The following RBFOX3 variants were observed in gnomAD, a reference collection of about 807,000 sequenced individuals.
The protein encoded by RBFOX3 is RNA binding fox-1 homolog 3.
A neutral mutation model predicts 48.7 loss-of-function variants in RBFOX3; 17 were observed. That is an observed-to-expected ratio of 0.35 (90% CI 0.24 to 0.52). The LOEUF (loss-of-function observed/expected upper bound fraction) is 0.52, where lower values mean the gene tolerates loss of function less well. Among genes scored for constraint, RBFOX3 ranks in the 20% least tolerant of loss-of-function variants. The probability of loss-of-function intolerance (pLI) is 0.94; values close to 1 mark genes in which losing one functional copy is unlikely to be tolerated. For synonymous variants in RBFOX3, 212 were observed against 209.5 expected (o/e 1.01, Z -0.10); for missense variants, 382 against 497.5 (o/e 0.77, Z 2.21).
chr17:79,160,193 T>C (rs997889102), intron 4 of RBFOX3, among the ~76,000 whole-genome samples: 2 of 152,146 alleles, frequency 1.3e-5, no homozygotes, highest in African/African-American at 2.4e-5. Context: ...GAAAAATCCA[T>C]GTGTGATTCA....
At chr17:79,116,271 A>G (rs2147021730) in intron 4 of RBFOX3, among the ~76,000 whole-genome samples, 1 of 152,312 alleles carries the variant, frequency 6.6e-6, no homozygotes, top group African/African-American at 2.4e-5. Context: ...CACCTCAAGA[A>G]TTTTAAGCCT....
chr17:79,230,556 G>A (rs1245774033), intron 4 of RBFOX3, among the ~76,000 whole-genome samples: 2 of 152,164 alleles, frequency 1.3e-5, no homozygotes, highest in Non-Finnish European at 2.9e-5. Flanking sequence ...ACGGCACCCG[G>A]CTCTCCTTAT....
intron 1 of RBFOX3, among the ~76,000 whole-genome samples, chr17:79,531,048 C>T (rs1318988264): frequency 3.3e-5 from 5 of 152,248 alleles, no homozygotes; most frequent in African/African-American, 4.8e-5. Flanking sequence ...GGGCTTTGTG[C>T]CCCAGTCCAG....
chr17:79,324,786 G>T (rs2079059668), intron 2 of RBFOX3, among the ~76,000 whole-genome samples: 1 of 152,198 alleles, frequency 6.6e-6, no homozygotes, highest in Non-Finnish European at 1.5e-5. Context: ...CCCGTGGGAG[G>T]CAGACGCTCA....
chr17:79,100,566 CCTGA>C (rs1207995108), intron 9 of RBFOX3, among the ~76,000 whole-genome samples: 3 of 152,106 alleles, frequency 2.0e-5, no homozygotes, highest in Middle Eastern at 3.2e-3. Flanking sequence ...CTGGTTGTCA[CCTGA>C]CTCCACGTAT....
upstream of RBFOX3, among the ~76,000 whole-genome samples, chr17:79,611,649 C>T (rs1469897020): frequency 6.6e-6 from 1 of 152,128 alleles, no homozygotes; most frequent in Admixed American, 6.5e-5. Context: ...AGCAATGGGA[C>T]GTGGTCACCA....
At chr17:79,127,594 T>C (rs1280620856) in intron 4 of RBFOX3, among the ~76,000 whole-genome samples, 1 of 152,172 alleles carries the variant, frequency 6.6e-6, no homozygotes, top group East Asian at 1.9e-4. Flanking sequence ...GAAAACATGA[T>C]GATGTCAAGG....
intron 1 of RBFOX3, among the ~76,000 whole-genome samples, chr17:79,523,514 C>A (rs970748450): frequency 4.6e-5 from 7 of 152,146 alleles, no homozygotes; most frequent in Non-Finnish European, 1.0e-4. Context: ...TTCTTGCGTT[C>A]CTCATGGTGA....
rs1309606256 is a variant in RBFOX3, at chr17:79,363,682, C to A, written c.-174-55858G>T. On this transcript the variant is annotated intron_variant, in intron 2 of 14. Coordinates refer to ENST00000693108, the MANE Select transcript of RBFOX3 (RefSeq NM_001350451.2). This position sits in a 1 kb window ranked among gnomAD's most constrained non-coding sequence, Gnocchi z 4.7. The stretch of plus-strand genomic sequence containing the variant: ...TTGATGCCAGTATCCAGGCCACCAG[C>A]AGGTGTTTCAGGGACCTCCGACACG... Among the ~76,000 whole-genome samples, 1 of 151,916 alleles carries A rather than the reference C, an allele frequency of 6.6e-6. No homozygotes were observed. Among genetic ancestry groups the A allele is most frequent in the Non-Finnish European group, 1.5e-5 (1 of 67,952 alleles).
At chr17:79,265,877 A>T (rs1222955290) in intron 3 of RBFOX3, among the ~76,000 whole-genome samples, 1 of 152,112 alleles carries the variant, frequency 6.6e-6, no homozygotes, top group African/African-American at 2.4e-5. Flanking sequence ...GGTGGCTCAG[A>T]ACTGGCTTGG....
At chr17:79,518,309 G>A (rs1419434323) in intron 1 of RBFOX3, among the ~76,000 whole-genome samples, 1 of 152,142 alleles carries the variant, frequency 6.6e-6, no homozygotes, top group South Asian at 2.1e-4. Flanking sequence ...TCTTTCAAGC[G>A]CACAGACCCA....
At chr17:79,301,707 C>T (rs556128359) in intron 3 of RBFOX3, among the ~76,000 whole-genome samples, 8 of 152,306 alleles carry the variant, frequency 5.3e-5, no homozygotes, top group Non-Finnish European at 8.8e-5. Context: ...CCCAGGTGTC[C>T]ATCAAGGGAT....
At chr17:79,174,652 CCAATGCACACAACCACTCACACA>C in intron 4 of RBFOX3, among the ~76,000 whole-genome samples, 1 of 151,666 alleles carries the variant, frequency 6.6e-6, no homozygotes, top group African/African-American at 2.4e-5. Context: ...TGACACACAC[CCAATGCACACAACCACTCACACA>C]CAATGCACAC....
chr17:79,281,452 G>A (rs1416096287), intron 3 of RBFOX3, among the ~76,000 whole-genome samples: 4 of 151,792 alleles, frequency 2.6e-5, no homozygotes, highest in Admixed American at 6.6e-5. Flanking sequence ...TTAGCTTAGA[G>A]AGGACTATCC....
At chr17:79,139,450 C>T (rs977149384) in intron 4 of RBFOX3, among the ~76,000 whole-genome samples, 3 of 152,236 alleles carry the variant, frequency 2.0e-5, no homozygotes, top group Admixed American at 6.5e-5. Context: ...GGCTCCAGGG[C>T]CTGGAAGGAC....
chr17:79,104,912 C>A (rs539273724), intron 6 of RBFOX3, among the ~76,000 whole-genome samples: 1 of 7,354 alleles, frequency 1.4e-4, no homozygotes, highest in Admixed American at 6.9e-4. Flanking sequence ...TGCTGGCGTG[C>A]GGTGCTGAGC....
chr17:79,101,564 G>C lies in RBFOX3; in HGVS notation c.568+20C>G, dbSNP rs1248351427. 1 of 1,547,340 alleles carries C rather than the reference G, an allele frequency of 6.5e-7. No homozygotes were observed. ...CAGCCAGTGACCCCAGCAGCCTTGT[G>C]GGGGGACCCAGCCCCTTACCGTTGG... is the stretch of plus-strand genomic sequence containing the variant. On this transcript the variant is annotated intron_variant, in intron 9 of 14. Transcript: ENST00000693108.
At chr17:79,425,155 G>T (rs1464101199) in intron 2 of RBFOX3, among the ~76,000 whole-genome samples, 1 of 152,104 alleles carries the variant, frequency 6.6e-6, no homozygotes, top group Non-Finnish European at 1.5e-5. Context: ...ATGGGTTTCT[G>T]TCAGCTTCTA....
chr17:79,571,594 A>C (rs1325792242), intron 1 of RBFOX3, among the ~76,000 whole-genome samples: 1 of 144,742 alleles, frequency 6.9e-6, no homozygotes, highest in Non-Finnish European at 1.5e-5. Context: ...TAATTTGATC[A>C]GGTTGTCTTA....
Sources: allele counts gnomAD v4.1 joint callset (sites outside exome capture counted in the v4.1 genomes callset), GRCh38; gene constraint gnomAD v4.1.1; non-coding constraint Gnocchi (gnomAD v3.1); transcripts MANE v1.5; gene names NCBI Gene and HGNC (gene_info 2026-07-23, HGNC 2026-07-21).